PTPRN2: variants seen among roughly 807,000 people sequenced by gnomAD.
The protein encoded by PTPRN2 is protein tyrosine phosphatase receptor type N2, also known as receptor-type tyrosine-protein phosphatase N2.
A neutral mutation model predicts 118.8 loss-of-function variants in PTPRN2; 74 were observed. The ratio of observed to expected loss-of-function variants is 0.62; its 90% CI spans 0.52 to 0.76. The LOEUF (loss-of-function observed/expected upper bound fraction) is 0.76, where lower values mean the gene tolerates loss of function less well. Among genes scored for constraint, PTPRN2 ranks in the 30% least tolerant of loss-of-function variants. The pLI, the probability that PTPRN2 is intolerant of heterozygous loss-of-function variation, is 0.00. For synonymous variants in PTPRN2, 641 were observed against 608.0 expected, an observed-to-expected ratio of 1.05 and a Z score of -0.80; for missense variants, 1,481 against 1,394.4, an observed-to-expected ratio of 1.06 and a Z score of -0.99.
rs529576162 is a variant in PTPRN2 at position 158,373,089 on chromosome 7, C to G, written c.164-56157G>C. ...CAGCGGCCTCTTAAATCAAGGACTT[C>G]CAGGCAGAGGAAACTCCTGTGGCCA... On this transcript the variant is annotated intron_variant, in intron 2 of 22. Transcript: ENST00000389418. 1.7e-3 allele frequency among the ~76,000 whole-genome samples: 260 copies of G among 152,348 alleles called. 3 individuals carry two copies. Among genetic ancestry groups the G allele is most frequent in the Middle Eastern group, 3.4e-3 (1 of 294 alleles).
Position 157,539,978 on chromosome 7 carries a change from A to T in PTPRN2, c.*736T>A, listed in dbSNP as rs189638724. On this transcript the variant is annotated 3_prime_UTR_variant, in exon 23 of 23. Transcript: ENST00000389418. ...ATCAATATTTTAACATTAAAAACAC[A>T]TCTCAATGTTGGGGTGCATCTGTAA... 1 of 152,338 alleles carries T rather than the reference A, an allele frequency of 6.6e-6. No homozygotes were observed. The highest frequency in any genetic ancestry group is 1.9e-4 in the East Asian group (1 of 5,184). 9.4% of individuals were successfully genotyped at this position (152,338 alleles called of 1,614,324 possible). A position where few individuals can be genotyped will look rare whatever the true frequency, so the allele number is the denominator to read the frequency against.
intron 11 of PTPRN2, among the ~76,000 whole-genome samples, chr7:158,071,682 CTGGTGGAGGTGCTTG>C (rs1416252493): frequency 1.6e-3 from 63 of 39,514 alleles, no homozygotes; most frequent in East Asian, 4.5e-3. Context: ...GGAGGTGCTC[CTGGTGGAGGTGCTTG>C]TGGTGGAGGT....
chr7:158,267,626 C>T (rs1797971993), intron 3 of PTPRN2, among the ~76,000 whole-genome samples: 2 of 152,202 alleles, frequency 1.3e-5, no homozygotes, highest in South Asian at 2.1e-4. Flanking sequence ...CTGCCCCTCG[C>T]CCCTGAGAGC....
At chr7:158,550,199 A>T (rs1044967023) in intron 1 of PTPRN2, among the ~76,000 whole-genome samples, 1 of 152,190 alleles carries the variant, frequency 6.6e-6, no homozygotes, top group Non-Finnish European at 1.5e-5. Flanking sequence ...AGCGGGTGCC[A>T]CTGCCCGCCG....
At chr7:158,559,701 G>A (rs553096705) in intron 1 of PTPRN2, among the ~76,000 whole-genome samples, 2 of 152,234 alleles carry the variant, frequency 1.3e-5, no homozygotes, top group Non-Finnish European at 2.9e-5. Flanking sequence ...TCACAGAAGT[G>A]ATGTCAGTAA....
At chr7:158,042,271 C>T (rs564475221) in intron 11 of PTPRN2, among the ~76,000 whole-genome samples, 10 of 152,306 alleles carry the variant, frequency 6.6e-5, no homozygotes, top group African/African-American at 1.2e-4. Context: ...ACCAGGAGCT[C>T]ATCCGACTGC....
chr7:157,774,804 T>G (rs1438003131), intron 12 of PTPRN2, among the ~76,000 whole-genome samples: 1 of 151,810 alleles, frequency 6.6e-6, no homozygotes, highest in Non-Finnish European at 1.5e-5. Flanking sequence ...CCAGTCCGAG[T>G]GGGGAGGCTT....
rs574551203 is a variant in PTPRN2 at position 157,713,440 on chromosome 7, G to T, written c.1789-30503C>A. Among the ~76,000 whole-genome samples the T allele has an allele frequency of 4.6e-5, 7 of 152,068 alleles. No homozygotes were observed. The South Asian group carries it at 1.5e-3, about 32-fold the overall frequency. The stretch of plus-strand genomic sequence containing the variant: ...GTACGTAGGTAGAAATTTATCTAAC[G>T]GCATGATCGTTCCAAGTCTCTATCT... On this transcript the variant is annotated intron_variant, in intron 12 of 22. Transcript: ENST00000389418.
rs140226932 is a variant in PTPRN2 at position 158,474,709 on chromosome 7, G to A, written c.163+15026C>T. Among the ~76,000 whole-genome samples, 873 of 152,288 alleles carry A rather than the reference G, an allele frequency of 5.7e-3. 9 individuals carry two copies. Among genetic ancestry groups the A allele is most frequent in the African/African-American group, 0.02 (827 of 41,570 alleles). ...CCCTTTTCCCAAGGTCAGCTAAGAG[G>A]CGGGTGCCCATCTGAGAGGGACCCT... On this transcript the variant is annotated intron_variant, in intron 2 of 22. Transcript: ENST00000389418.
chr7:157,720,246 C>T (rs1202834813), intron 12 of PTPRN2, among the ~76,000 whole-genome samples: 2 of 152,104 alleles, frequency 1.3e-5, no homozygotes, highest in Admixed American at 1.3e-4. Context: ...AACTGAATTT[C>T]CTTAGGTTCA....
rs1585585345 is a variant in PTPRN2 at position 158,140,688 on chromosome 7, C to T, written c.911-2173G>A. On this transcript the variant is annotated intron_variant, in intron 6 of 22. Coordinates refer to ENST00000389418, the MANE Select transcript of PTPRN2 (RefSeq NM_002847.5). ...GCATCACCTGCAGGTGGGGCTGGGG[C>T]AGGAGGAAGCGTCGGGTGTGAGGGT... is the stretch of plus-strand genomic sequence containing the variant. 2.0e-5 allele frequency among the ~76,000 whole-genome samples: 3 copies of T among 152,240 alleles called. No individual in the cohort carries two copies. The East Asian group carries it at 5.8e-4, about 29-fold the overall frequency.
intron 11 of PTPRN2, among the ~76,000 whole-genome samples, chr7:158,067,682 A>C (rs1264147313): frequency 1.3e-5 from 2 of 152,088 alleles, no homozygotes; most frequent in Non-Finnish European, 2.9e-5. Flanking sequence ...GAAAGCTGCC[A>C]GAGACAAGGC....
At position 158,093,721 on chromosome 7, in the gene PTPRN2, T is replaced by C. The variant is rs952795134; in HGVS notation, c.1644-12344A>G. 6.6e-6 allele frequency among the ~76,000 whole-genome samples: 1 copy of C among 152,206 alleles called. No homozygotes were observed. Among genetic ancestry groups the C allele is most frequent in the Non-Finnish European group, 1.5e-5 (1 of 68,028 alleles). The stretch of plus-strand genomic sequence containing the variant: ...TACCTACTTTCCTTACACACACTTT[T>C]AATTTTACCACATTTCCTGCACAAT... On this transcript the variant is annotated intron_variant, in intron 10 of 22. Coordinates refer to ENST00000389418, the MANE Select transcript of PTPRN2 (RefSeq NM_002847.5). The surrounding 1 kb of genome is among the most constrained non-coding windows in gnomAD (Gnocchi z 4.4).
At chr7:158,225,020 A>G (rs895999895) in intron 3 of PTPRN2, among the ~76,000 whole-genome samples, 2 of 152,162 alleles carry the variant, frequency 1.3e-5, no homozygotes, top group Admixed American at 1.3e-4. Flanking sequence ...ATGAGATGCC[A>G]CCACACACCT....
intron 2 of PTPRN2, among the ~76,000 whole-genome samples, chr7:158,469,395 T>G (rs1819677831): frequency 6.6e-6 from 1 of 152,100 alleles, no homozygotes; most frequent in African/African-American, 2.4e-5. Context: ...TGAGCCAAGA[T>G]AGCACCACTG....
At chr7:158,414,106 C>G (rs1814432537) in intron 2 of PTPRN2, among the ~76,000 whole-genome samples, 1 of 150,922 alleles carries the variant, frequency 6.6e-6, no homozygotes. Flanking sequence ...CAAGGGGATT[C>G]CTAGTGTTCC....
chr7:158,081,253 C>T, intron 11 of PTPRN2, 45 bp downstream of exon 11: 2 of 1,522,016 alleles, frequency 1.3e-6, no homozygotes, highest in Non-Finnish European at 9.1e-7. Context: ...TGTGTGTGTG[C>T]ACACACGTGT....
intron 2 of PTPRN2, among the ~76,000 whole-genome samples, chr7:158,424,564 CG>C (rs1815539193): frequency 6.6e-6 from 1 of 152,230 alleles, no homozygotes; most frequent in South Asian, 2.1e-4. Flanking sequence ...TATGTGTGTA[CG>C]GAACAGGCTC....
At chr7:158,071,286 G>A (rs1306533038) in intron 11 of PTPRN2, among the ~76,000 whole-genome samples, 15 of 111,166 alleles carry the variant, frequency 1.3e-4, no homozygotes, top group Middle Eastern at 5.7e-3. Context: ...GCCCGTGGTG[G>A]TGGAGGTGCT....
Sources: gnomAD v4.1 joint callset for allele counts (sites outside exome capture counted in the v4.1 genomes callset) on GRCh38, gnomAD v4.1.1 for gene constraint, Gnocchi (gnomAD v3.1) non-coding constraint, MANE v1.5 for transcripts, NCBI Gene and HGNC (gene_info 2026-07-23, HGNC 2026-07-21) for gene names.